ERBB4: variants seen among roughly 807,000 people sequenced by gnomAD.
ERBB4 encodes the protein receptor tyrosine-protein kinase erbB-4.
A neutral mutation model predicts 158.0 loss-of-function variants in ERBB4; 42 were observed. The observed-to-expected ratio is 0.27, with a 90% CI of 0.21 to 0.34. The LOEUF is 0.34. Among genes scored for constraint, ERBB4 ranks in the 10% least tolerant of loss-of-function variants. The pLI, the probability that ERBB4 is intolerant of heterozygous loss-of-function variation, is 1.00. For synonymous variants in ERBB4, 583 were observed against 558.7 expected (o/e 1.04, Z -0.61); for missense variants, 1,333 against 1,624.1 (o/e 0.82, Z 3.08).
rs1200719435 is a variant in ERBB4 at position 212,102,088 on chromosome 2, TTTTA to T, written c.234+22660_234+22663del. Among the ~76,000 whole-genome samples the T allele has an allele frequency of 2.7e-4, 7 of 25,504 alleles. 1 individual carries two copies. The highest frequency in any genetic ancestry group is 0.017 in the Middle Eastern group (1 of 58). The allele number at this position is 25,504 out of a possible 152,430, so 16.7% of individuals were successfully genotyped here. A position where few individuals can be genotyped will look rare whatever the true frequency, so the allele number is the denominator to read the frequency against. Reference sequence around the variant, plus strand: ...GAAAATCATATACGTTGAAAATTTATTTTATATATATATATATATATATATGTCA... The same window carrying T: ...GAAAATCATATACGTTGAAAATTTATTATATATATATATATATATATGTCA... On this transcript the variant is annotated intron_variant, in intron 2 of 27. Coordinates refer to ENST00000342788, the MANE Select transcript of ERBB4 (RefSeq NM_005235.3).
chr2:211,612,080 A>G (rs1037860487), intron 19 of ERBB4, among the ~76,000 whole-genome samples: 1 of 152,174 alleles, frequency 6.6e-6, no homozygotes, highest in African/African-American at 2.4e-5. Context: ...GAGTTTGTAG[A>G]AATGAATCAT....
At chr2:211,389,122 G>A (rs1235962021) in intron 25 of ERBB4, among the ~76,000 whole-genome samples, 5 of 152,076 alleles carry the variant, frequency 3.3e-5, no homozygotes, top group South Asian at 2.1e-4. Flanking sequence ...TGCAAGCTCC[G>A]CCTCCCGGGT....
intron 4 of ERBB4, among the ~76,000 whole-genome samples, chr2:211,786,869 A>C (rs2076176405): frequency 6.6e-6 from 1 of 152,226 alleles, no homozygotes; most frequent in South Asian, 2.1e-4. Flanking sequence ...TAATGTGAAA[A>C]GATTCCATTT....
intron 2 of ERBB4, among the ~76,000 whole-genome samples, chr2:212,036,599 G>C (rs2125361192): frequency 6.6e-6 from 1 of 151,866 alleles, no homozygotes; most frequent in East Asian, 2.0e-4. Flanking sequence ...TGAGTAGCTG[G>C]GACTACAGGT....
intron 19 of ERBB4, among the ~76,000 whole-genome samples, chr2:211,576,758 T>C (rs991331597): frequency 6.6e-6 from 1 of 152,146 alleles, no homozygotes; most frequent in African/African-American, 2.4e-5. Flanking sequence ...AAATGTATGA[T>C]ATAAATTTCC....
intron 2 of ERBB4, among the ~76,000 whole-genome samples, chr2:212,071,118 A>C (rs2125445553): frequency 6.6e-6 from 1 of 152,052 alleles, no homozygotes. Flanking sequence ...GTGTTACAAA[A>C]TAATACTCAC....
chr2:212,121,076 A>T (rs1229481924), intron 2 of ERBB4, among the ~76,000 whole-genome samples: 1 of 152,266 alleles, frequency 6.6e-6, no homozygotes, highest in Non-Finnish European at 1.5e-5. Context: ...ATTCAAAGGT[A>T]TAATTTGAAA....
intron 1 of ERBB4, among the ~76,000 whole-genome samples, chr2:212,291,021 T>C (rs908170817): frequency 8.5e-5 from 13 of 152,080 alleles, no homozygotes; most frequent in Admixed American, 7.9e-4. Context: ...TACCTATGTA[T>C]GTTTTCTATG....
intron 2 of ERBB4, among the ~76,000 whole-genome samples, chr2:211,952,164 C>A (rs1175876630): frequency 6.6e-6 from 1 of 152,004 alleles, no homozygotes; most frequent in Non-Finnish European, 1.5e-5. Flanking sequence ...TTATTTTGGT[C>A]TCTGTATTCT....
At chr2:211,560,938 A>AT (rs879683248) in intron 20 of ERBB4, among the ~76,000 whole-genome samples, 14 of 152,172 alleles carry the variant, frequency 9.2e-5, no homozygotes, top group Non-Finnish European at 1.3e-4. Context: ...CTATGTTATT[A>AT]TTTTGGCATT....
intron 1 of ERBB4, among the ~76,000 whole-genome samples, chr2:212,368,723 C>T (rs2089980101): frequency 6.6e-6 from 1 of 152,094 alleles, no homozygotes; most frequent in South Asian, 2.1e-4. Context: ...ATATAAGACA[C>T]ATATACCACC....
chr2:212,464,521 C>T (rs1209171363), intron 1 of ERBB4, among the ~76,000 whole-genome samples: 2 of 151,960 alleles, frequency 1.3e-5, no homozygotes, highest in Non-Finnish European at 2.9e-5. Context: ...AGTTTAGCTG[C>T]CTGAGAACCA....
At chr2:211,496,399 A>G (rs2065470617) in intron 20 of ERBB4, among the ~76,000 whole-genome samples, 1 of 151,996 alleles carries the variant, frequency 6.6e-6, no homozygotes, top group South Asian at 2.1e-4. Flanking sequence ...AATCTCTGCC[A>G]AATCAGGCTA....
intron 3 of ERBB4, among the ~76,000 whole-genome samples, chr2:211,834,574 T>C (rs961609020): frequency 6.6e-6 from 1 of 152,108 alleles, no homozygotes; most frequent in African/African-American, 2.4e-5. Flanking sequence ...AGTTAATATT[T>C]TTTTACTTTG....
chr2:212,270,231 T>G (rs750819568), intron 1 of ERBB4, among the ~76,000 whole-genome samples: 1 of 151,730 alleles, frequency 6.6e-6, no homozygotes, highest in African/African-American at 2.4e-5. Context: ...ACAAACAAAA[T>G]AGATTATGAC....
At chr2:211,724,840 A>G (rs907298473) in intron 6 of ERBB4, among the ~76,000 whole-genome samples, 29 of 152,196 alleles carry the variant, frequency 1.9e-4, no homozygotes, top group African/African-American at 2.4e-5. Context: ...TTCTCCAATG[A>G]ACCTCATTTG....
chr2:211,933,028 A>T (rs1309042039), intron 3 of ERBB4, among the ~76,000 whole-genome samples: 1 of 152,028 alleles, frequency 6.6e-6, no homozygotes, highest in Non-Finnish European at 1.5e-5. Context: ...ATCACAAAGG[A>T]GTTGATAACC....
intron 1 of ERBB4, among the ~76,000 whole-genome samples, chr2:212,317,484 AC>A (rs1487171061): frequency 6.6e-6 from 1 of 151,554 alleles, no homozygotes; most frequent in African/African-American, 2.4e-5. Context: ...GTGAGTACCC[AC>A]AATCAGCATT....
chr2:211,729,717 C>T (rs528579821), intron 5 of ERBB4, among the ~76,000 whole-genome samples: 3 of 151,730 alleles, frequency 2.0e-5, no homozygotes, highest in Non-Finnish European at 3.0e-5. Context: ...AAAAATAATT[C>T]CTGAAATCAA....
Sources: allele counts gnomAD v4.1 joint callset (sites outside exome capture counted in the v4.1 genomes callset), GRCh38; gene constraint gnomAD v4.1.1; transcripts MANE v1.5; gene names NCBI Gene and HGNC (gene_info 2026-07-23, HGNC 2026-07-21).